TMEFF1: variants seen among roughly 807,000 people sequenced by gnomAD.
The protein encoded by TMEFF1 is tomoregulin-1.
A neutral mutation model predicts 47.5 loss-of-function variants in TMEFF1; 20 were observed. The observed-to-expected ratio is 0.42, with a 90% CI of 0.30 to 0.61. TMEFF1 has a LOEUF of 0.61. Ranked by LOEUF, TMEFF1 falls within the 20% of genes least tolerant of loss-of-function variation. TMEFF1 has a pLI of 0.19. For missense variants in TMEFF1, 411 were observed against 471.1 expected, an observed-to-expected ratio of 0.87 and a Z score of 1.18; for synonymous variants, 162 against 166.3, an observed-to-expected ratio of 0.97 and a Z score of 0.20.
chr9:100,502,518 C>A (rs1837781628), intron 2 of TMEFF1, among the ~76,000 whole-genome samples: 1 of 152,050 alleles, frequency 6.6e-6, no homozygotes, highest in Non-Finnish European at 1.5e-5. Flanking sequence ...CATCACCACA[C>A]CTGGCTGATT....
chr9:100,509,054 A>T lies in TMEFF1; in HGVS notation c.356A>T (p.Gln119Leu). 6.2e-7 allele frequency: 1 copy of T among 1,604,752 alleles called. No individual in the cohort carries two copies. ...PVCGSNGDTYQNECFLRRAAC... is the reference protein window; with the variant it reads ...PVCGSNGDTYLNECFLRRAAC... The stretch of plus-strand genomic sequence containing the variant: ...TGTGGATCAAATGGGGACACTTATC[A>T]AAATGAATGCTTTCTCAGAAGGGCT... Residue 119 changes from glutamine (Q) to leucine (L), a missense_variant, in exon 3 of 10, where the codon CAA becomes CTA. By Grantham distance (113) the Gln-to-Leu change is moderately radical (BLOSUM62 -2). Transcript: ENST00000374879.
chr9:100,493,800 C>G (rs115675966), intron 1 of TMEFF1, among the ~76,000 whole-genome samples: 7 of 152,124 alleles, frequency 4.6e-5, no homozygotes, highest in African/African-American at 1.7e-4. Flanking sequence ...GTACAGAATA[C>G]TTGAAAACAA....
At position 100,542,909 on chromosome 9, in the gene TMEFF1, ATCTC is replaced by A. The variant is rs1378920724; in HGVS notation, c.561-4823_561-4820del. 3.6e-5 allele frequency among the ~76,000 whole-genome samples: 5 copies of A among 139,878 alleles called. No individual in the cohort carries two copies. The East Asian group carries it at 8.1e-4, about 23-fold the overall frequency. The allele number at this position is 139,878 out of a possible 152,430, so 91.8% of individuals were successfully genotyped here. A position where few individuals can be genotyped will look rare whatever the true frequency, so the allele number is the denominator to read the frequency against. On this transcript the variant is annotated intron_variant, in intron 5 of 9. Coordinates refer to ENST00000374879, the MANE Select transcript of TMEFF1 (RefSeq NM_003692.5). ...TTTTGTTAGATCTTCTGACTCTTCC[ATCTC>A]TCTCTCTCTCTTTTTTTTTTTTTTT...
At chr9:100,484,577 C>G (rs948326539) in intron 1 of TMEFF1, among the ~76,000 whole-genome samples, 1 of 151,998 alleles carries the variant, frequency 6.6e-6, no homozygotes, top group South Asian at 2.1e-4. Context: ...CCTTGGCCTC[C>G]CAAAGTGTTG....
At chr9:100,553,614 A>T (rs1434384452) in intron 7 of TMEFF1, among the ~76,000 whole-genome samples, 1 of 152,204 alleles carries the variant, frequency 6.6e-6, no homozygotes, top group Non-Finnish European at 1.5e-5. Context: ...AAATATTGAA[A>T]TTGGGGTGTT....
chr9:100,564,306 C>T (rs576833166), intron 8 of TMEFF1, among the ~76,000 whole-genome samples: 2 of 152,268 alleles, frequency 1.3e-5, no homozygotes, highest in South Asian at 4.1e-4. Context: ...AACTCCTGAC[C>T]TCAGGTGATC....
At chr9:100,546,119 C>T (rs945659001) in intron 5 of TMEFF1, among the ~76,000 whole-genome samples, 5 of 152,120 alleles carry the variant, frequency 3.3e-5, no homozygotes, top group Non-Finnish European at 4.4e-5. Context: ...AGTATCTTTT[C>T]GGCAGCACCC....
chr9:100,498,899 A>G (rs1837707433), intron 2 of TMEFF1, 25 bp downstream of exon 2: 1 of 1,601,902 alleles, frequency 6.2e-7, no homozygotes, highest in Non-Finnish European at 8.5e-7. Flanking sequence ...CCTATTTTGA[A>G]AAGTTTTATA....
intron 1 of TMEFF1, among the ~76,000 whole-genome samples, chr9:100,481,932 C>T (rs941901689): frequency 6.6e-6 from 1 of 151,866 alleles, no homozygotes; most frequent in Non-Finnish European, 1.5e-5. Context: ...CAGGCGCATA[C>T]CACTACGCCC....
intron 8 of TMEFF1, among the ~76,000 whole-genome samples, chr9:100,564,702 G>A (rs1031662232): frequency 2.6e-5 from 4 of 152,046 alleles, no homozygotes; most frequent in Admixed American, 6.6e-5. Context: ...AGTGAGAGAC[G>A]ATTAGAGGAT....
chr9:100,513,403 T>C, intron 4 of TMEFF1, 70 bp downstream of exon 4: 1 of 1,508,776 alleles, frequency 6.6e-7, no homozygotes. Context: ...CTTTTTTTTT[T>C]TTTTTTTAAA....
At chr9:100,485,399 G>A (rs1399327586) in intron 1 of TMEFF1, among the ~76,000 whole-genome samples, 1 of 152,162 alleles carries the variant, frequency 6.6e-6, no homozygotes, top group Non-Finnish European at 1.5e-5. Flanking sequence ...TGCTGTCCAT[G>A]TAAAACTCTA....
intron 9 of TMEFF1, among the ~76,000 whole-genome samples, chr9:100,574,481 C>T (rs1306941496): frequency 2.0e-5 from 3 of 151,998 alleles, no homozygotes; most frequent in Non-Finnish European, 2.9e-5. Flanking sequence ...ACCTCCTGGG[C>T]TTATCTCAAC....
intron 5 of TMEFF1, among the ~76,000 whole-genome samples, chr9:100,541,375 C>CTT (rs1220537806): frequency 4.2e-4 from 41 of 97,634 alleles, no homozygotes; most frequent in Middle Eastern, 5.7e-3. Context: ...TTCTTTCTTT[C>CTT]TTTTTTTTTT....
At chr9:100,508,503 T>C (rs1226037308) in intron 2 of TMEFF1, among the ~76,000 whole-genome samples, 4 of 151,978 alleles carry the variant, frequency 2.6e-5, no homozygotes. Context: ...ATTGGTTTTT[T>C]TTCCTACTCG....
At chr9:100,508,513 G>A (rs368484849) in intron 2 of TMEFF1, among the ~76,000 whole-genome samples, 221 of 151,130 alleles carry the variant, frequency 1.5e-3, no homozygotes, top group African/African-American at 5.1e-3. Context: ...TTTCCTACTC[G>A]TATGACTCTC....
intron 5 of TMEFF1, among the ~76,000 whole-genome samples, chr9:100,532,148 A>ACC (rs1838395512): frequency 6.6e-6 from 1 of 152,022 alleles, no homozygotes; most frequent in Admixed American, 6.6e-5. Flanking sequence ...CTAGAAGAAA[A>ACC]CCTAGGCATT....
intron 5 of TMEFF1, among the ~76,000 whole-genome samples, chr9:100,538,336 G>T (rs542543475): frequency 1.2e-3 from 188 of 152,330 alleles, no homozygotes; most frequent in African/African-American, 4.4e-3. Flanking sequence ...GATTACAGGC[G>T]TGAGCCTCTG....
intron 1 of TMEFF1, among the ~76,000 whole-genome samples, chr9:100,489,312 T>C (rs920260697): frequency 6.6e-6 from 1 of 152,072 alleles, no homozygotes; most frequent in Non-Finnish European, 1.5e-5. Context: ...CTCGTGATTC[T>C]CCTATGTCAG....
Sources: allele counts gnomAD v4.1 joint callset (sites outside exome capture counted in the v4.1 genomes callset), GRCh38; gene constraint gnomAD v4.1.1; transcripts MANE v1.5; gene names NCBI Gene and HGNC (gene_info 2026-07-23, HGNC 2026-07-21).